Variants in EMCN observed in about 807,000 individuals in gnomAD.
EMCN encodes MUC-14.
In EMCN, 37 loss-of-function variants were observed where a neutral mutation model predicts 38.4. The observed-to-expected ratio is 0.96, with a 90% CI of 0.74 to 1.27. EMCN has a LOEUF of 1.27. EMCN is among the 50% of genes most tolerant of loss of function. The probability of loss-of-function intolerance (pLI) is 0.00; values close to 1 mark genes in which losing one functional copy is unlikely to be tolerated. For missense variants in EMCN, 318 were observed against 302.8 expected (o/e 1.05, Z -0.37); for synonymous variants, 95 against 100.8 (o/e 0.94, Z 0.35).
chr4:100,477,429 T>C (rs1728691536), intron 2 of EMCN, among the ~76,000 whole-genome samples: 1 of 152,200 alleles, frequency 6.6e-6, no homozygotes, highest in African/African-American at 2.4e-5. Context: ...ATTTCTCTAA[T>C]TGGGTGAATC....
Position 100,423,318 on chromosome 4 carries a change from A to T in EMCN, c.502T>A (p.Ser168Thr), listed in dbSNP as rs975130314. Residue 168 changes from serine to threonine, a missense_variant, in exon 6 of 12, where the codon TCT (serine) becomes ACT (threonine). Ser to Thr is a moderately conservative substitution (Grantham distance 58, BLOSUM62 1). Transcript: ENST00000296420. ...PVTIPENTSQ[S>T]QVIGTEGGKN... Reference sequence around the variant, plus strand: ...AGGCACACAGATATCATACCTTGAGACTGTGAGGTGTTTTCTGGAATTGTA... The same window carrying T: ...AGGCACACAGATATCATACCTTGAGTCTGTGAGGTGTTTTCTGGAATTGTA... 1.2e-5 allele frequency: 20 copies of T among 1,609,488 alleles called. No homozygotes were observed. The highest frequency in any genetic ancestry group is 1.5e-5 in the Non-Finnish European group (18 of 1,176,324).
chr4:100,499,063 T>C (rs1236458748), intron 1 of EMCN, among the ~76,000 whole-genome samples: 1 of 152,204 alleles, frequency 6.6e-6, no homozygotes, highest in Non-Finnish European at 1.5e-5. Flanking sequence ...TGTTCCATTT[T>C]TTTTTAAGTT....
chr4:100,411,760 A>G (rs1726567455), intron 10 of EMCN, among the ~76,000 whole-genome samples: 1 of 152,214 alleles, frequency 6.6e-6, no homozygotes, highest in Non-Finnish European at 1.5e-5. Context: ...ATTATAAGGC[A>G]GTAATATATG....
chr4:100,399,262 C>T (rs1230731526), intron 11 of EMCN, among the ~76,000 whole-genome samples: 1 of 152,024 alleles, frequency 6.6e-6, no homozygotes, highest in African/African-American at 2.4e-5. Context: ...GGGTAGTGGC[C>T]CAAACTGGCA....
intron 1 of EMCN, among the ~76,000 whole-genome samples, chr4:100,482,424 A>C (rs370464498): frequency 1.3e-5 from 2 of 152,126 alleles, no homozygotes; most frequent in Non-Finnish European, 2.9e-5. Context: ...AAGACTTTAT[A>C]AGATAAAATA....
chr4:100,446,314 A>G (rs956775406), intron 5 of EMCN: 4 of 363,742 alleles, frequency 1.1e-5, no homozygotes, highest in African/African-American at 8.8e-5. Flanking sequence ...TTAGTGGAGT[A>G]AAGGGAATTA....
At chr4:100,490,155 T>G (rs1729039994) in intron 1 of EMCN, among the ~76,000 whole-genome samples, 2 of 146,518 alleles carry the variant, frequency 1.4e-5, no homozygotes, top group African/African-American at 5.1e-5. Context: ...GTGTCTTAAT[T>G]TTTTACAACT....
chr4:100,460,456 C>A (rs1299774086), intron 4 of EMCN, among the ~76,000 whole-genome samples: 1 of 152,134 alleles, frequency 6.6e-6, no homozygotes, highest in Non-Finnish European at 1.5e-5. Flanking sequence ...ACTTGAATCA[C>A]AATTCCACAT....
At chr4:100,413,712 C>T (rs1328951244) in intron 10 of EMCN, among the ~76,000 whole-genome samples, 2 of 152,164 alleles carry the variant, frequency 1.3e-5, no homozygotes, top group Non-Finnish European at 2.9e-5. Context: ...CCATGGTAAT[C>T]ATCTGGGTTG....
At chr4:100,425,284 T>C (rs962158362) in intron 5 of EMCN, among the ~76,000 whole-genome samples, 1 of 151,806 alleles carries the variant, frequency 6.6e-6, no homozygotes, top group Non-Finnish European at 1.5e-5. Context: ...CTTGGCTGAA[T>C]CCATAAAACA....
chr4:100,515,877 C>G (rs1472610055), intron 1 of EMCN, among the ~76,000 whole-genome samples: 1 of 152,048 alleles, frequency 6.6e-6, no homozygotes, highest in Non-Finnish European at 1.5e-5. Context: ...CAGGCAGAAC[C>G]AGGTACAACA....
chr4:100,479,090 G>C (rs959800277), intron 2 of EMCN, among the ~76,000 whole-genome samples: 3 of 152,048 alleles, frequency 2.0e-5, no homozygotes, highest in African/African-American at 7.2e-5. Context: ...AGCTTTCATT[G>C]GTCTTCTGCA....
At chr4:100,502,741 A>G (rs1182321910) in intron 1 of EMCN, among the ~76,000 whole-genome samples, 3 of 152,210 alleles carry the variant, frequency 2.0e-5, no homozygotes, top group Non-Finnish European at 4.4e-5. Flanking sequence ...CTATTAGATT[A>G]GGAAAATCCT....
Position 100,453,847 on chromosome 4 carries a change from A to C in EMCN, c.377-6276T>G, listed in dbSNP as rs558179917. Among the ~76,000 whole-genome samples the C allele has an allele frequency of 4.7e-3, 719 of 152,264 alleles. 6 individuals carry two copies. The highest frequency in any genetic ancestry group is 0.016 in the African/African-American group (685 of 41,540). On this transcript the variant is annotated intron_variant, in intron 4 of 11. Transcript: ENST00000296420. ...CCATGGAATACTATGCAGCCATAAA[A>C]AATGATGAGTTCATGTCCTTTGTAG...
At chr4:100,467,335 C>A (rs576849162) in intron 3 of EMCN, among the ~76,000 whole-genome samples, 28 of 152,228 alleles carry the variant, frequency 1.8e-4, no homozygotes, top group African/African-American at 6.5e-4. Flanking sequence ...TGCTTCAAAT[C>A]CTAGTCTCAG....
At chr4:100,499,698 G>A (rs1319172983) in intron 1 of EMCN, among the ~76,000 whole-genome samples, 2 of 152,144 alleles carry the variant, frequency 1.3e-5, no homozygotes, top group African/African-American at 4.8e-5. Context: ...GCAGAACAAG[G>A]ATTTTGAAGT....
At chr4:100,508,953 G>C (rs1501094) in intron 1 of EMCN, among the ~76,000 whole-genome samples, 96,850 of 152,066 alleles carry the variant, frequency 0.64, 31,191 homozygotes, top group East Asian at 0.78. Flanking sequence ...TACTGCTTCC[G>C]CTCTACAGAG....
chr4:100,427,255 T>G (rs7674306), intron 5 of EMCN, among the ~76,000 whole-genome samples: 25,991 of 151,966 alleles, frequency 0.17, 2,464 homozygotes, highest in African/African-American at 0.23. Flanking sequence ...CTTATTTCTT[T>G]TTTTAAAATC....
intron 4 of EMCN, among the ~76,000 whole-genome samples, chr4:100,455,580 G>A (rs1420827553): frequency 6.7e-6 from 1 of 149,512 alleles, no homozygotes; most frequent in Non-Finnish European, 1.5e-5. Flanking sequence ...TTCCTGATGA[G>A]TCTCTGCTGT....
Sources: gnomAD v4.1 joint callset for allele counts (sites outside exome capture counted in the v4.1 genomes callset) on GRCh38, gnomAD v4.1.1 for gene constraint, MANE v1.5 for transcripts, NCBI Gene and HGNC (gene_info 2026-07-23, HGNC 2026-07-21) for gene names.